ENOX1: variants seen among roughly 807,000 people sequenced by gnomAD.
ENOX1 encodes the protein candidate growth-related and time keeping constitutive hydroquinone (NADH) oxidase.
In ENOX1, 42 loss-of-function variants were observed where a neutral mutation model predicts 82.5. The observed-to-expected ratio is 0.51, with a 90% CI of 0.40 to 0.66. The LOEUF is 0.66. Among genes scored for constraint, ENOX1 ranks in the 30% least tolerant of loss-of-function variants. The pLI, the probability that ENOX1 is intolerant of heterozygous loss-of-function variation, is 0.00. For synonymous variants in ENOX1, 271 were observed against 282.2 expected (o/e 0.96, Z 0.40); for missense variants, 608 against 811.6 (o/e 0.75, Z 3.05).
chr13:43,418,392 G>C (rs1270442784), intron 3 of ENOX1, among the ~76,000 whole-genome samples: 1 of 152,026 alleles, frequency 6.6e-6, no homozygotes, highest in Non-Finnish European at 1.5e-5. Flanking sequence ...GCTGGGTGTG[G>C]TGGTGCATGC....
rs529827779 is a variant in ENOX1, at chr13:43,400,914, T to C, written c.208+11002A>G. Among the ~76,000 whole-genome samples, 4 of 152,326 alleles carry C rather than the reference T, an allele frequency of 2.6e-5. No homozygotes were observed. In the East Asian group the frequency reaches 7.7e-4, roughly 29 times the overall value. On this transcript the variant is annotated intron_variant, in intron 5 of 16. Coordinates refer to ENST00000690772, the MANE Select transcript of ENOX1 (RefSeq NM_001347969.2). Reference sequence around the variant, plus strand: ...CATTTGCCCCCAAATCCTAATACAGTAGAAACACTTTAGGCAGATAGACCT... The same window carrying C: ...CATTTGCCCCCAAATCCTAATACAGCAGAAACACTTTAGGCAGATAGACCT...
intron 14 of ENOX1, 109 bp downstream of exon 14, chr13:43,265,289 T>C (rs2044303484): frequency 2.2e-6 from 2 of 888,910 alleles, no homozygotes; most frequent in Non-Finnish European, 3.4e-6. Context: ...CTTAAGCTGC[T>C]GACAGGCAGA....
chr13:43,431,763 T>G (rs934649416), intron 3 of ENOX1, among the ~76,000 whole-genome samples: 1 of 152,168 alleles, frequency 6.6e-6, no homozygotes, highest in Non-Finnish European at 1.5e-5. Context: ...ATATTCCTGA[T>G]GCTTTGACAT....
intron 3 of ENOX1, among the ~76,000 whole-genome samples, chr13:43,470,311 T>C (rs12429230): frequency 1.4e-5 from 1 of 69,754 alleles, no homozygotes; most frequent in Non-Finnish European, 3.1e-5. Flanking sequence ...TATATACATA[T>C]ATATACACAT....
At chr13:43,392,525 A>T (rs977100280) in intron 5 of ENOX1, among the ~76,000 whole-genome samples, 3 of 152,118 alleles carry the variant, frequency 2.0e-5, no homozygotes, top group African/African-American at 7.2e-5. Context: ...CTAAAAATAC[A>T]AAAAATATAA....
chr13:43,726,720 G>T (rs1466221860), intron 1 of ENOX1, among the ~76,000 whole-genome samples: 1 of 60,170 alleles, frequency 1.7e-5, no homozygotes, highest in African/African-American at 2.0e-4. Context: ...ATTGACTTTT[G>T]TGTGTGTGTG....
chr13:43,441,876 G>A (rs1317376568), intron 3 of ENOX1, among the ~76,000 whole-genome samples: 1 of 151,930 alleles, frequency 6.6e-6, no homozygotes, highest in East Asian at 1.9e-4. Flanking sequence ...GTTTTTAAAG[G>A]TAGAGGTAGA....
chr13:43,451,650 T>G (rs1489348985), intron 3 of ENOX1, among the ~76,000 whole-genome samples: 1 of 152,220 alleles, frequency 6.6e-6, no homozygotes, highest in Non-Finnish European at 1.5e-5. Flanking sequence ...GATACGTACA[T>G]GTACATGGTA....
At chr13:43,636,005 C>T (rs992052128) in intron 2 of ENOX1, among the ~76,000 whole-genome samples, 1 of 152,186 alleles carries the variant, frequency 6.6e-6, no homozygotes, top group African/African-American at 2.4e-5. Context: ...AGCCCCAACA[C>T]AGCCAGAATT....
chr13:43,772,810 A>C (rs1486377943), intron 1 of ENOX1, among the ~76,000 whole-genome samples: 1 of 151,850 alleles, frequency 6.6e-6, no homozygotes, highest in African/African-American at 2.4e-5. Context: ...AGTGGTTCTC[A>C]AACTTCAGTT....
intron 2 of ENOX1, among the ~76,000 whole-genome samples, chr13:43,489,132 C>T (rs6561128): frequency 0.23 from 34,720 of 152,078 alleles, 4,184 homozygotes; most frequent in Middle Eastern, 0.29. Flanking sequence ...ATTGACAATG[C>T]ACCAATGGCT....
At position 43,229,493 on chromosome 13, in the gene ENOX1, G is replaced by T. The variant is rs113492542; in HGVS notation, c.1715-5355C>A. 2.1e-3 allele frequency among the ~76,000 whole-genome samples: 316 copies of T among 152,288 alleles called. 2 individuals carry two copies. Among genetic ancestry groups the T allele is most frequent in the African/African-American group, 7.3e-3 (302 of 41,580 alleles). On this transcript the variant is annotated intron_variant, in intron 15 of 16. Coordinates refer to ENST00000690772, the MANE Select transcript of ENOX1 (RefSeq NM_001347969.2). Reference sequence around the variant, plus strand: ...GTGGCACATGTGTTTAGAGGTAGGTGGGGGCCAGATCACGCAGGACCTTGT... The same window carrying T: ...GTGGCACATGTGTTTAGAGGTAGGTTGGGGCCAGATCACGCAGGACCTTGT...
At chr13:43,345,977 C>T (rs1277429925) in intron 8 of ENOX1, among the ~76,000 whole-genome samples, 13 of 152,126 alleles carry the variant, frequency 8.5e-5, no homozygotes, top group Non-Finnish European at 1.5e-5. Flanking sequence ...ACATACACTC[C>T]ACATGAATAG....
chr13:43,522,637 G>C (rs770141714), intron 2 of ENOX1, among the ~76,000 whole-genome samples: 1 of 152,118 alleles, frequency 6.6e-6, no homozygotes, highest in Non-Finnish European at 1.5e-5. Flanking sequence ...TGGGACAGCA[G>C]GTGAGGGGGC....
chr13:43,347,428 T>C (rs540029400), intron 8 of ENOX1, among the ~76,000 whole-genome samples: 1 of 152,316 alleles, frequency 6.6e-6, no homozygotes, highest in South Asian at 2.1e-4. Flanking sequence ...GACAGGCCGA[T>C]ATATGATTGA....
chr13:43,343,506 G>A (rs773020804), intron 9 of ENOX1, among the ~76,000 whole-genome samples: 2 of 152,078 alleles, frequency 1.3e-5, no homozygotes, highest in Admixed American at 1.3e-4. Flanking sequence ...CATATGCTAC[G>A]CTGCTGTAAA....
chr13:43,586,255 T>C (rs2080977745), intron 2 of ENOX1, among the ~76,000 whole-genome samples: 1 of 152,190 alleles, frequency 6.6e-6, no homozygotes, highest in African/African-American at 2.4e-5. Flanking sequence ...TCAAGACAAA[T>C]GGCTTGCCAT....
chr13:43,496,365 G>A (rs1442000699), intron 2 of ENOX1, among the ~76,000 whole-genome samples: 2 of 151,736 alleles, frequency 1.3e-5, no homozygotes, highest in African/African-American at 4.8e-5. Flanking sequence ...AATTGCTCTA[G>A]CAATTGGCTC....
At chr13:43,354,165 C>A (rs2049990545) in intron 8 of ENOX1, among the ~76,000 whole-genome samples, 1 of 152,172 alleles carries the variant, frequency 6.6e-6, no homozygotes, top group African/African-American at 2.4e-5. Flanking sequence ...GTGAATACTC[C>A]TTGTTGAGAA....
Sources: gnomAD v4.1 joint callset for allele counts (sites outside exome capture counted in the v4.1 genomes callset) on GRCh38, gnomAD v4.1.1 for gene constraint, MANE v1.5 for transcripts, NCBI Gene and HGNC (gene_info 2026-07-23, HGNC 2026-07-21) for gene names.